The following KANK4 variants were observed in gnomAD, a reference collection of about 807,000 sequenced individuals.
The protein encoded by KANK4 is KN motif and ankyrin repeat domain-containing protein 4.
Under a neutral mutation model 80.8 loss-of-function variants are expected in KANK4, and 50 were observed. The ratio of observed to expected loss-of-function variants is 0.62; its 90% CI spans 0.49 to 0.78. KANK4 has a LOEUF of 0.78. Ranked by LOEUF, KANK4 falls within the 30% of genes least tolerant of loss-of-function variation. The pLI, the probability that KANK4 is intolerant of heterozygous loss-of-function variation, is 0.00. For missense variants in KANK4, 1,196 were observed against 1,240.1 expected, an observed-to-expected ratio of 0.96 and a Z score of 0.53; for synonymous variants, 465 against 506.9, an observed-to-expected ratio of 0.92 and a Z score of 1.11.
intron 2 of KANK4, among the ~76,000 whole-genome samples, chr1:62,277,518 T>C (rs1234222537): frequency 6.6e-6 from 1 of 152,206 alleles, no homozygotes; most frequent in Non-Finnish European, 1.5e-5. Context: ...TGGCAGATGC[T>C]GAGAGATCTT....
chr1:62,277,913 T>A lies in KANK4; in HGVS notation c.17-2826A>T, dbSNP rs187568629. On this transcript the variant is annotated intron_variant, in intron 2 of 9. Coordinates refer to ENST00000371153, the MANE Select transcript of KANK4 (RefSeq NM_181712.5). ...ATAGCCAAGACAGAAAATCTAGATC[T>A]CCACAGAGAATGTGCAAAGGGATGG... Among the ~76,000 whole-genome samples the A allele has an allele frequency of 5.9e-5, 9 of 152,296 alleles. No individual in the cohort carries two copies. The East Asian group carries it at 1.7e-3, about 29-fold the overall frequency.
At chr1:62,261,316 C>G (rs1471535638) in intron 7 of KANK4, among the ~76,000 whole-genome samples, 1 of 151,990 alleles carries the variant, frequency 6.6e-6, no homozygotes. Context: ...GCGTCACTAC[C>G]ACCCAGCTAA....
chr1:62,240,821 A>G (rs1430496303), intron 9 of KANK4, among the ~76,000 whole-genome samples: 1 of 152,170 alleles, frequency 6.6e-6, no homozygotes, highest in Non-Finnish European at 1.5e-5. Flanking sequence ...TGTCTAAAGA[A>G]GCTGCACCCA....
At chr1:62,264,650 G>A (rs771823318) in intron 6 of KANK4, among the ~76,000 whole-genome samples, 52 of 152,224 alleles carry the variant, frequency 3.4e-4, no homozygotes, top group Middle Eastern at 3.4e-3. Flanking sequence ...GTGTGGTGCC[G>A]GGCTTGCATA....
At chr1:62,270,719 G>A (rs1475794980) in intron 4 of KANK4, among the ~76,000 whole-genome samples, 2 of 152,038 alleles carry the variant, frequency 1.3e-5, no homozygotes, top group South Asian at 2.1e-4. Context: ...CCTTGTTGGC[G>A]TCTAATGTCT....
chr1:62,236,294 C>G lies in KANK4; in HGVS notation c.*1983G>C, dbSNP rs1260968855. On this transcript the variant is annotated 3_prime_UTR_variant, in exon 10 of 10. Coordinates refer to ENST00000371153, the MANE Select transcript of KANK4 (RefSeq NM_181712.5). ...TAGAAATGCAGAATCTCAGGCCCCACCCCAGACCTACTGCCTTCTAACAAG... is the reference window on the plus strand; with the variant it reads ...TAGAAATGCAGAATCTCAGGCCCCAGCCCAGACCTACTGCCTTCTAACAAG... Among the ~76,000 whole-genome samples the G allele has an allele frequency of 2.6e-5, 4 of 152,170 alleles. No homozygotes were observed. Among genetic ancestry groups the G allele is most frequent in the Admixed American group, 2.6e-4 (4 of 15,272 alleles).
intron 1 of KANK4, among the ~76,000 whole-genome samples, chr1:62,309,105 C>G (rs1175131361): frequency 6.6e-6 from 1 of 152,198 alleles, no homozygotes; most frequent in Admixed American, 6.5e-5. Flanking sequence ...TATGTCTCAC[C>G]GTTCTGGAGG....
At chr1:62,248,439 G>A (rs1671524016) in intron 8 of KANK4, among the ~76,000 whole-genome samples, 1 of 152,016 alleles carries the variant, frequency 6.6e-6, no homozygotes, top group South Asian at 2.1e-4. Context: ...CACAATCACA[G>A]CTCACTGCAG....
At chr1:62,297,365 T>C (rs1644375277) in intron 1 of KANK4, among the ~76,000 whole-genome samples, 2 of 152,180 alleles carry the variant, frequency 1.3e-5, no homozygotes, top group South Asian at 2.1e-4. Flanking sequence ...AGGATGACCA[T>C]ATTAGGTAGG....
In KANK4 at chr1:62,319,140, C is replaced by A. The variant is rs1006346136; in HGVS notation, c.-105G>T. ...CTGCGGAAGTCCTGCGCGAGGCGGC[C>A]CGCGGTGCACGGGGCCGGGGCAGCT... On this transcript the variant is annotated 5_prime_UTR_variant, in exon 1 of 10. Transcript: ENST00000371153. 1 of 152,318 alleles carries A rather than the reference C, an allele frequency of 6.6e-6. No homozygotes were observed. Among genetic ancestry groups the A allele is most frequent in the African/African-American group, 2.4e-5 (1 of 41,468 alleles). 9.4% of individuals were successfully genotyped at this position (152,318 alleles called of 1,614,324 possible). A position where few individuals can be genotyped will look rare whatever the true frequency, so the allele number is the denominator to read the frequency against.
At chr1:62,240,149 T>C (rs1671304121) in intron 9 of KANK4, among the ~76,000 whole-genome samples, 1 of 152,238 alleles carries the variant, frequency 6.6e-6, no homozygotes, top group South Asian at 2.1e-4. Flanking sequence ...AAAGTGTTCT[T>C]ATTTCTCCAC....
chr1:62,278,892 G>A (rs1458507959), intron 2 of KANK4, among the ~76,000 whole-genome samples: 1 of 152,180 alleles, frequency 6.6e-6, no homozygotes, highest in Non-Finnish European at 1.5e-5. Context: ...GCCAAACAGA[G>A]AAGAGATATT....
chr1:62,253,522 GCCTCAGCCTC>G (rs1237831983), intron 7 of KANK4, among the ~76,000 whole-genome samples: 1 of 146,762 alleles, frequency 6.8e-6, no homozygotes, highest in Non-Finnish European at 1.5e-5. Context: ...CAATTCTGCT[GCCTCAGCCTC>G]CTGAGTAGCC....
At chr1:62,316,168 A>G (rs1300614088) in intron 1 of KANK4, among the ~76,000 whole-genome samples, 1 of 152,254 alleles carries the variant, frequency 6.6e-6, no homozygotes, top group Admixed American at 6.5e-5. Flanking sequence ...AGTCTGGCCC[A>G]CATGGCCCAA....
At chr1:62,315,025 T>C (rs1273707191) in intron 1 of KANK4, among the ~76,000 whole-genome samples, 1 of 152,226 alleles carries the variant, frequency 6.6e-6, no homozygotes, top group South Asian at 2.1e-4. Flanking sequence ...GCCCTGTTTT[T>C]AGCCGGAGGG....
chr1:62,245,320 T>G (rs1044638554), intron 9 of KANK4, among the ~76,000 whole-genome samples: 5 of 152,220 alleles, frequency 3.3e-5, no homozygotes, highest in African/African-American at 1.2e-4. Context: ...TCTAATGATC[T>G]TAGAAATGGC....
intron 8 of KANK4, among the ~76,000 whole-genome samples, chr1:62,250,568 C>G (rs1210045657): frequency 6.6e-6 from 1 of 152,160 alleles, no homozygotes; most frequent in South Asian, 2.1e-4. Flanking sequence ...AAGGGAATGG[C>G]TGCAGCTATG....
At chr1:62,294,861 G>A (rs1357256664) in intron 1 of KANK4, among the ~76,000 whole-genome samples, 2 of 152,212 alleles carry the variant, frequency 1.3e-5, no homozygotes, top group Non-Finnish European at 2.9e-5. Flanking sequence ...CAGGAGAGAT[G>A]AAGTGCACCA....
At chr1:62,275,111 A>G in intron 2 of KANK4, 24 bp from the exon 3 acceptor site, 1 of 1,544,620 alleles carries the variant, frequency 6.5e-7, no homozygotes, top group Non-Finnish European at 8.7e-7. Context: ...GACAAGTTAA[A>G]AAAAAAAAGC....
Sources: allele counts gnomAD v4.1 joint callset (sites outside exome capture counted in the v4.1 genomes callset), GRCh38; gene constraint gnomAD v4.1.1; transcripts MANE v1.5; gene names NCBI Gene and HGNC (gene_info 2026-07-23, HGNC 2026-07-21).